RAP1GAP: variants seen among roughly 807,000 people sequenced by gnomAD.
RAP1GAP encodes rap1 GTPase-activating protein 1.
Under a neutral mutation model 87.2 loss-of-function variants are expected in RAP1GAP, and 35 were observed. The ratio of observed to expected loss-of-function variants is 0.40; its 90% CI spans 0.31 to 0.53. RAP1GAP has a LOEUF of 0.53. RAP1GAP is among the 20% of genes least tolerant of loss of function. RAP1GAP has a pLI of 0.48. For synonymous variants in RAP1GAP, 375 were observed against 363.9 expected (o/e 1.03, Z -0.35); for missense variants, 734 against 898.9 (o/e 0.82, Z 2.35).
At chr1:21,665,231 A>G (rs1196701006) in intron 1 of RAP1GAP, 1 of 517,032 alleles carries the variant, frequency 1.9e-6, no homozygotes, top group Non-Finnish European at 3.9e-6. Context: ...ACGGCTGCTC[A>G]GTGGCAATGT....
Position 21,619,005 on chromosome 1 carries a change from A to G in RAP1GAP, c.66+20T>C, listed in dbSNP as rs549473622. 3 of 1,588,446 alleles carry G rather than the reference A, an allele frequency of 1.9e-6. No individual in the cohort carries two copies. Among genetic ancestry groups the G allele is most frequent in the African/African-American group, 2.7e-5 (2 of 74,672 alleles). On this transcript the variant is annotated intron_variant, in intron 5 of 24. Transcript: ENST00000374765. Reference sequence around the variant, plus strand: ...CCCTCCACCCCCTAGAGAGGGAGGCAGACTGCCAGGCCCACCTACTTTGAG... The same window carrying G: ...CCCTCCACCCCCTAGAGAGGGAGGCGGACTGCCAGGCCCACCTACTTTGAG...
chr1:21,620,482 C>A (rs1418586110), intron 3 of RAP1GAP, among the ~76,000 whole-genome samples: 1 of 152,250 alleles, frequency 6.6e-6, no homozygotes, highest in Non-Finnish European at 1.5e-5. Flanking sequence ...ACAGCCCACC[C>A]CTCTCCAAGG....
chr1:21,630,986 C>T (rs1193032852), intron 2 of RAP1GAP, among the ~76,000 whole-genome samples: 1 of 152,094 alleles, frequency 6.6e-6, no homozygotes, highest in Non-Finnish European at 1.5e-5. Flanking sequence ...CCACCTTTCC[C>T]AGCACCCCTC....
chr1:21,645,917 A>G (rs1188033566), intron 2 of RAP1GAP, among the ~76,000 whole-genome samples: 1 of 152,076 alleles, frequency 6.6e-6, no homozygotes, highest in African/African-American at 2.4e-5. Context: ...ACCCCAGCCC[A>G]CCACTCAGCA....
chr1:21,605,037 G>GTGGA (rs201480549), intron 18 of RAP1GAP, among the ~76,000 whole-genome samples: 1 of 140,676 alleles, frequency 7.1e-6, no homozygotes, highest in South Asian at 2.3e-4. Flanking sequence ...GGATGGGTGG[G>GTGGA]TGGATGGATG....
chr1:21,635,199 TCCCAGCACCCGTCAG>T (rs2094489388), intron 2 of RAP1GAP, among the ~76,000 whole-genome samples: 1 of 152,094 alleles, frequency 6.6e-6, no homozygotes, highest in Admixed American at 6.5e-5. Flanking sequence ...AGGGTGACCT[TCCCAGCACCCGTCAG>T]CCCATACATG....
intron 2 of RAP1GAP, among the ~76,000 whole-genome samples, chr1:21,637,093 G>A (rs1173299578): frequency 3.3e-5 from 5 of 151,818 alleles, no homozygotes. Flanking sequence ...AGCGGTGGGG[G>A]GTTTGACTGG....
rs751863593 is a variant in RAP1GAP, at chr1:21,608,369, C to T, written c.1159-19G>A. On this transcript the variant is annotated intron_variant, in intron 16 of 24. Coordinates refer to ENST00000374765, the MANE Select transcript of RAP1GAP (RefSeq NM_002885.4). ...TCCGCTCCTGTGGGCCAGGCCCGGGCCGTCAGGAGGGACCCCAAGGATCAG... is the reference window on the plus strand; with the variant it reads ...TCCGCTCCTGTGGGCCAGGCCCGGGTCGTCAGGAGGGACCCCAAGGATCAG... 1 of 1,608,476 alleles carries T rather than the reference C, an allele frequency of 6.2e-7. No homozygotes were observed. The highest frequency in any genetic ancestry group is 8.5e-7 in the Non-Finnish European group (1 of 1,177,600).
chr1:21,600,494 A>C (rs564230050), intron 20 of RAP1GAP, among the ~76,000 whole-genome samples: 1 of 151,346 alleles, frequency 6.6e-6, no homozygotes, highest in South Asian at 2.1e-4. Context: ...ATCCCACCCC[A>C]CTCCAGCCTC....
chr1:21,661,245 C>CT (rs2097143299), intron 1 of RAP1GAP, among the ~76,000 whole-genome samples: 2 of 139,762 alleles, frequency 1.4e-5, no homozygotes, highest in South Asian at 2.3e-4. Context: ...GAGCAAGACT[C>CT]TGTCTCCAAA....
At chr1:21,610,889 C>T (rs1407801118) in intron 13 of RAP1GAP, among the ~76,000 whole-genome samples, 1 of 152,116 alleles carries the variant, frequency 6.6e-6, no homozygotes, top group Admixed American at 6.5e-5. Context: ...TCCTTTTATC[C>T]CCCTGGGCTG....
At chr1:21,650,286 T>G (rs1028501871) in intron 1 of RAP1GAP, among the ~76,000 whole-genome samples, 10 of 152,040 alleles carry the variant, frequency 6.6e-5, no homozygotes, top group Non-Finnish European at 1.3e-4. Flanking sequence ...AGGAAGCAAA[T>G]GTCTGCGAAT....
chr1:21,649,342 A>C (rs1381604057), intron 2 of RAP1GAP, among the ~76,000 whole-genome samples: 3 of 152,084 alleles, frequency 2.0e-5, no homozygotes, highest in African/African-American at 4.8e-5. Context: ...GCGAGGGGCC[A>C]CCCTGAGGTG....
chr1:21,601,235 C>G (rs2068130527), intron 20 of RAP1GAP, among the ~76,000 whole-genome samples: 1 of 152,136 alleles, frequency 6.6e-6, no homozygotes, highest in Non-Finnish European at 1.5e-5. Flanking sequence ...CAGGCCTCTG[C>G]ACTGGCCGAG....
intron 7 of RAP1GAP, among the ~76,000 whole-genome samples, chr1:21,616,908 C>T (rs185803193): frequency 7.0e-4 from 106 of 152,340 alleles, no homozygotes; most frequent in African/African-American, 2.3e-3. Context: ...TTACAGATAT[C>T]AGCTCACTAA....
intron 21 of RAP1GAP, 31 bp downstream of exon 21, chr1:21,599,463 G>T (rs931808571): frequency 1.9e-6 from 3 of 1,594,898 alleles, no homozygotes; most frequent in African/African-American, 2.7e-5. Context: ...CCAAGCTCCT[G>T]TGGGGCCCCT....
At chr1:21,646,104 G>A (rs904393904) in intron 2 of RAP1GAP, among the ~76,000 whole-genome samples, 49 of 152,362 alleles carry the variant, frequency 3.2e-4, no homozygotes, top group Admixed American at 2.9e-3. Flanking sequence ...ACAGTCATCT[G>A]TAAGGCTGGT....
At chr1:21,666,489 C>T (rs1361125139) in intron 1 of RAP1GAP, among the ~76,000 whole-genome samples, 1 of 152,180 alleles carries the variant, frequency 6.6e-6, no homozygotes, top group African/African-American at 2.4e-5. Context: ...CCGTGGCAAC[C>T]CGCTGGGTAT....
At chr1:21,636,946 AAGGG>A (rs1279072309) in intron 2 of RAP1GAP, among the ~76,000 whole-genome samples, 18 of 62,232 alleles carry the variant, frequency 2.9e-4, no homozygotes, top group African/African-American at 1.2e-3. Context: ...GGGAGGGAGG[AAGGG>A]AGGGAGGGAG....
Sources: allele counts gnomAD v4.1 joint callset (sites outside exome capture counted in the v4.1 genomes callset), GRCh38; gene constraint gnomAD v4.1.1; transcripts MANE v1.5; gene names NCBI Gene and HGNC (gene_info 2026-07-23, HGNC 2026-07-21).